Variants in CSMD1 observed in about 807,000 individuals in gnomAD.
CSMD1 encodes CUB and Sushi multiple domains 1, also known as CUB and sushi domain-containing protein 1.
Under a neutral mutation model 417.5 loss-of-function variants are expected in CSMD1, and 213 were observed. That is an observed-to-expected ratio of 0.51 (90% CI 0.46 to 0.57). The LOEUF is 0.57. Among genes scored for constraint, CSMD1 ranks in the 20% least tolerant of loss-of-function variants. The pLI is 0.00. For missense variants in CSMD1, 6,923 were observed against 4,529.7 expected, an observed-to-expected ratio of 1.53 and a Z score of -15.17; for synonymous variants, 2,862 against 1,736.8, an observed-to-expected ratio of 1.65 and a Z score of -16.11.
intron 1 of CSMD1, among the ~76,000 whole-genome samples, chr8:4,822,687 C>T (rs922783410): frequency 3.3e-5 from 5 of 152,086 alleles, no homozygotes; most frequent in South Asian, 2.1e-4. Flanking sequence ...TATAATTAGC[C>T]ATATACAATG....
At chr8:4,347,240 T>C (rs552107834) in intron 3 of CSMD1, among the ~76,000 whole-genome samples, 1 of 152,136 alleles carries the variant, frequency 6.6e-6, no homozygotes, top group South Asian at 2.1e-4. Flanking sequence ...ATGCTTAAAA[T>C]GAAACAGACA....
At chr8:4,666,048 C>G (rs555082194) in intron 1 of CSMD1, among the ~76,000 whole-genome samples, 14 of 152,172 alleles carry the variant, frequency 9.2e-5, no homozygotes, top group African/African-American at 3.1e-4. Context: ...TGCTTTAAGC[C>G]ATAGTAACTG....
At chr8:3,075,962 A>C (rs1020113928) in intron 49 of CSMD1, among the ~76,000 whole-genome samples, 2 of 151,508 alleles carry the variant, frequency 1.3e-5, no homozygotes, top group African/African-American at 4.9e-5. Context: ...GAGGCAGGAG[A>C]ATGGCATGAA....
At chr8:4,342,459 C>T (rs1297205733) in intron 3 of CSMD1, among the ~76,000 whole-genome samples, 1 of 151,958 alleles carries the variant, frequency 6.6e-6, no homozygotes, top group East Asian at 1.9e-4. Context: ...CAACAGCAGA[C>T]AATAAACTGG....
chr8:3,344,184 G>C (rs992300612), intron 22 of CSMD1, among the ~76,000 whole-genome samples: 4 of 152,182 alleles, frequency 2.6e-5, no homozygotes, highest in Non-Finnish European at 5.9e-5. Context: ...CTAGTGGGGA[G>C]ACAGGTCACA....
chr8:3,393,278 T>C (rs1169680760), intron 17 of CSMD1, among the ~76,000 whole-genome samples: 1 of 152,172 alleles, frequency 6.6e-6, no homozygotes, highest in African/African-American at 2.4e-5. Context: ...CAATTTCCTG[T>C]CTTCACTCAC....
chr8:4,990,567 G>A (rs1158717180), intron 1 of CSMD1, among the ~76,000 whole-genome samples: 2 of 152,112 alleles, frequency 1.3e-5, no homozygotes, highest in African/African-American at 4.8e-5. Flanking sequence ...GTTTCACTAT[G>A]TTGGTCAAGC....
intron 37 of CSMD1, among the ~76,000 whole-genome samples, chr8:3,177,409 A>G (rs1821009766): frequency 6.6e-6 from 1 of 152,204 alleles, no homozygotes; most frequent in African/African-American, 2.4e-5. Flanking sequence ...TGCTCTTAGG[A>G]AACACAAATC....
At chr8:3,822,811 G>A (rs143098817) in intron 5 of CSMD1, among the ~76,000 whole-genome samples, 5 of 152,148 alleles carry the variant, frequency 3.3e-5, no homozygotes, top group South Asian at 2.1e-4. Context: ...CAGAACTTTG[G>A]GCTTATTTTT....
chr8:4,185,225 T>C (rs931056350), intron 3 of CSMD1, among the ~76,000 whole-genome samples: 18 of 151,570 alleles, frequency 1.2e-4, no homozygotes, highest in Middle Eastern at 3.5e-3. Context: ...GCTGGGAACC[T>C]GCTTTCTTGC....
Position 4,171,659 on chromosome 8 carries a change from G to A in CSMD1, c.416-139560C>T, listed in dbSNP as rs139624307. Among the ~76,000 whole-genome samples, 102 of 149,390 alleles carry A rather than the reference G, an allele frequency of 6.8e-4. 2 individuals carry two copies. Among genetic ancestry groups the A allele is most frequent in the African/African-American group, 2.5e-3 (99 of 39,110 alleles). ...CAAACTTGCCTGTTTTTTTCCCAAT[G>A]CAGATAAACTGGTAGAATATTTAGA... is the stretch of plus-strand genomic sequence containing the variant. On this transcript the variant is annotated intron_variant, in intron 3 of 69. Coordinates refer to ENST00000635120, the MANE Select transcript of CSMD1 (RefSeq NM_033225.6).
At chr8:4,505,206 A>T (rs1478548794) in intron 2 of CSMD1, among the ~76,000 whole-genome samples, 1 of 152,218 alleles carries the variant, frequency 6.6e-6, no homozygotes, top group Admixed American at 6.5e-5. Flanking sequence ...TAAATAATCC[A>T]GTTAGAGGTC....
At chr8:4,483,355 C>A (rs535722250) in intron 2 of CSMD1, among the ~76,000 whole-genome samples, 1 of 152,130 alleles carries the variant, frequency 6.6e-6, no homozygotes, top group Admixed American at 6.5e-5. Context: ...ACAAATACAC[C>A]AGTAGATAAA....
intron 1 of CSMD1, among the ~76,000 whole-genome samples, chr8:4,993,574 C>A (rs1350014876): frequency 1.3e-5 from 2 of 152,122 alleles, no homozygotes; most frequent in South Asian, 4.1e-4. Context: ...CAGGAGCCAC[C>A]CAGAGAAACT....
intron 3 of CSMD1, among the ~76,000 whole-genome samples, chr8:4,110,866 G>C (rs1173670711): frequency 2.0e-5 from 3 of 151,878 alleles, no homozygotes; most frequent in Admixed American, 6.6e-5. Flanking sequence ...TTTCCTTGAA[G>C]AGTACTGAAA....
chr8:4,992,133 C>A (rs549500611), intron 1 of CSMD1, among the ~76,000 whole-genome samples: 10 of 152,160 alleles, frequency 6.6e-5, no homozygotes, highest in Admixed American at 1.3e-4. Flanking sequence ...CCCCGCAGGG[C>A]CCGAGGCGCC....
chr8:3,811,649 G>C (rs188873817), intron 5 of CSMD1, among the ~76,000 whole-genome samples: 1 of 152,146 alleles, frequency 6.6e-6, no homozygotes, highest in East Asian at 1.9e-4. Context: ...GCCATTCCTT[G>C]CCACCATCTA....
At chr8:3,675,581 C>G (rs1054977049) in intron 7 of CSMD1, among the ~76,000 whole-genome samples, 1 of 151,896 alleles carries the variant, frequency 6.6e-6, no homozygotes, top group Non-Finnish European at 1.5e-5. Flanking sequence ...CATGCAGACA[C>G]GAGGGTTGAT....
At chr8:3,288,829 T>G (rs1423897795) in intron 25 of CSMD1, among the ~76,000 whole-genome samples, 1 of 147,332 alleles carries the variant, frequency 6.8e-6, no homozygotes, top group Non-Finnish European at 1.5e-5. Context: ...TTCTTTTATT[T>G]TATTTTATTA....
Sources: allele counts gnomAD v4.1 joint callset (sites outside exome capture counted in the v4.1 genomes callset), GRCh38; gene constraint gnomAD v4.1.1; transcripts MANE v1.5; gene names NCBI Gene and HGNC (gene_info 2026-07-23, HGNC 2026-07-21).